The following NKAIN2 variants were observed in gnomAD, a reference collection of about 807,000 sequenced individuals.
NKAIN2 encodes sodium/potassium-transporting ATPase subunit beta-1-interacting protein 2.
NKAIN2 carries 14 observed loss-of-function variants against 32.6 expected under a neutral mutation model. That is an observed-to-expected ratio of 0.43 (90% CI 0.28 to 0.67). The LOEUF (loss-of-function observed/expected upper bound fraction) is 0.67, where lower values mean the gene tolerates loss of function less well. NKAIN2 is among the 30% of genes least tolerant of loss of function. The pLI is 0.17. For synonymous variants in NKAIN2, 80 were observed against 87.2 expected (o/e 0.92, Z 0.46); for missense variants, 198 against 258.3 (o/e 0.77, Z 1.60).
intron 1 of NKAIN2, among the ~76,000 whole-genome samples, chr6:123,947,086 C>T (rs942872331): frequency 1.3e-5 from 2 of 152,290 alleles, no homozygotes; most frequent in East Asian, 1.9e-4. Flanking sequence ...CGTACTGTGG[C>T]GGTCACCTTT....
At chr6:123,989,159 G>T (rs1779303110) in intron 1 of NKAIN2, among the ~76,000 whole-genome samples, 2 of 152,086 alleles carry the variant, frequency 1.3e-5, no homozygotes, top group Admixed American at 1.3e-4. Context: ...AGAGCTTTGA[G>T]GATACAATAA....
At chr6:124,263,213 C>T (rs1488280679) in intron 1 of NKAIN2, among the ~76,000 whole-genome samples, 2 of 152,118 alleles carry the variant, frequency 1.3e-5, no homozygotes, top group Non-Finnish European at 2.9e-5. Flanking sequence ...TACAAGCAGT[C>T]ATAAGACAGT....
chr6:124,079,348 A>G (rs903549499), intron 1 of NKAIN2, among the ~76,000 whole-genome samples: 2 of 152,102 alleles, frequency 1.3e-5, no homozygotes, highest in African/African-American at 4.8e-5. Flanking sequence ...AAACAGTCAA[A>G]CTTCAAATTA....
At chr6:123,927,664 G>A (rs1776062754) in intron 1 of NKAIN2, among the ~76,000 whole-genome samples, 1 of 151,096 alleles carries the variant, frequency 6.6e-6, no homozygotes, top group Non-Finnish European at 1.5e-5. Context: ...GTCCTATACA[G>A]GGGGATAGAG....
chr6:124,441,859 G>A (rs1775702929), intron 3 of NKAIN2, among the ~76,000 whole-genome samples: 1 of 152,036 alleles, frequency 6.6e-6, no homozygotes. Flanking sequence ...TCTGTGGCAT[G>A]TTCCTTCAAG....
At chr6:124,646,951 A>AAAAAAC (rs532036552) in intron 3 of NKAIN2, among the ~76,000 whole-genome samples, 8 of 152,156 alleles carry the variant, frequency 5.3e-5, no homozygotes, top group African/African-American at 1.4e-4. Flanking sequence ...ACTCCGTCTC[A>AAAAAAC]AAAAACAAAA....
Position 124,591,034 on chromosome 6 carries a change from G to A in NKAIN2, c.274-67152G>A, listed in dbSNP as rs146253863. ...AGCCATCACCAACAGGTGGGGTTTA[G>A]GAGCCCGATTTGCTTTTTGTGAGGG... On this transcript the variant is annotated intron_variant, in intron 3 of 6. Transcript: ENST00000368417. 3.5e-3 allele frequency among the ~76,000 whole-genome samples: 537 copies of A among 152,352 alleles called. 2 individuals are homozygous for A. Among genetic ancestry groups the A allele is most frequent in the Non-Finnish European group, 5.3e-3 (363 of 68,046 alleles).
At position 124,402,695 on chromosome 6, in the gene NKAIN2, G is replaced by A. The variant is rs977485951; in HGVS notation, c.273+47348G>A. Among the ~76,000 whole-genome samples, 19 of 152,060 alleles carry A rather than the reference G, an allele frequency of 1.2e-4. 1 individual carries two copies. The highest frequency in any genetic ancestry group is 4.8e-5 in the African/African-American group (2 of 41,412). ...AGGTCATGATCCTAAGCAAACTAAC[G>A]CCGGAACAGAAAAGCACATACTGCA... On this transcript the variant is annotated intron_variant, in intron 3 of 6. Coordinates refer to ENST00000368417, the MANE Select transcript of NKAIN2 (RefSeq NM_001040214.3).
chr6:124,432,860 C>T (rs903923936), intron 3 of NKAIN2, among the ~76,000 whole-genome samples: 10 of 152,022 alleles, frequency 6.6e-5, no homozygotes, highest in African/African-American at 2.4e-4. Flanking sequence ...ACCACTTCCT[C>T]CTCTGTGTCT....
chr6:124,776,065 C>G (rs1350568259), intron 4 of NKAIN2, among the ~76,000 whole-genome samples: 1 of 152,150 alleles, frequency 6.6e-6, no homozygotes, highest in Non-Finnish European at 1.5e-5. Flanking sequence ...GAAATTAAAG[C>G]AAACCTTAGC....
chr6:124,719,893 A>C (rs1331686527), intron 4 of NKAIN2, among the ~76,000 whole-genome samples: 1 of 152,184 alleles, frequency 6.6e-6, no homozygotes, highest in Non-Finnish European at 1.5e-5. Flanking sequence ...TGAATTTGTC[A>C]GTTGATTTTA....
chr6:124,292,572 A>T (rs928615848), intron 2 of NKAIN2, among the ~76,000 whole-genome samples: 13 of 149,722 alleles, frequency 8.7e-5, no homozygotes, highest in African/African-American at 3.2e-4. Flanking sequence ...GTGAGACTCT[A>T]TGGGGAAGGC....
chr6:124,159,622 C>T (rs1788171252), intron 1 of NKAIN2, among the ~76,000 whole-genome samples: 3 of 152,244 alleles, frequency 2.0e-5, no homozygotes, highest in Admixed American at 2.0e-4. Context: ...CCCATTCTTG[C>T]ATTACTATAA....
chr6:124,418,916 C>T (rs1774620905), intron 3 of NKAIN2, among the ~76,000 whole-genome samples: 1 of 152,032 alleles, frequency 6.6e-6, no homozygotes, highest in African/African-American at 2.4e-5. Context: ...CAAATGGTTT[C>T]TCAGGGGACT....
intron 1 of NKAIN2, among the ~76,000 whole-genome samples, chr6:124,045,418 G>A (rs911565723): frequency 2.0e-5 from 3 of 151,914 alleles, no homozygotes; most frequent in Admixed American, 6.6e-5. Context: ...TATATAGTGC[G>A]ATAGAAAGAG....
chr6:123,883,036 C>T (rs561275089), intron 1 of NKAIN2, among the ~76,000 whole-genome samples: 34 of 152,080 alleles, frequency 2.2e-4, no homozygotes, highest in Non-Finnish European at 2.9e-5. Flanking sequence ...TGTGTCCTTG[C>T]CCAAATCTCA....
chr6:124,145,091 A>G (rs997624583), intron 1 of NKAIN2, among the ~76,000 whole-genome samples: 3 of 152,236 alleles, frequency 2.0e-5, no homozygotes, highest in Non-Finnish European at 2.9e-5. Context: ...CACTACACAT[A>G]TATCACAATG....
Position 124,786,909 on chromosome 6 carries a change from T to C in NKAIN2, c.475-4430T>C, listed in dbSNP as rs549803103. Among the ~76,000 whole-genome samples, 11 of 152,288 alleles carry C rather than the reference T, an allele frequency of 7.2e-5. No homozygotes were observed. In the South Asian group the frequency reaches 2.3e-3, roughly 32 times the overall value. ...TCTAACAACATGAGCCTCTATTATCTGCTTTGTGCCGTGTTACTTCCCTTT... is the reference window on the plus strand; with the variant it reads ...TCTAACAACATGAGCCTCTATTATCCGCTTTGTGCCGTGTTACTTCCCTTT... On this transcript the variant is annotated intron_variant, in intron 4 of 6. Transcript: ENST00000368417.
intron 1 of NKAIN2, among the ~76,000 whole-genome samples, chr6:123,931,196 C>G (rs1184955095): frequency 6.6e-6 from 1 of 151,724 alleles, no homozygotes; most frequent in Non-Finnish European, 1.5e-5. Context: ...TGAAACAGTT[C>G]AATATTGTCT....
Sources: allele counts gnomAD v4.1 joint callset (sites outside exome capture counted in the v4.1 genomes callset), GRCh38; gene constraint gnomAD v4.1.1; transcripts MANE v1.5; gene names NCBI Gene and HGNC (gene_info 2026-07-23, HGNC 2026-07-21).